Variants in KCNMA1 observed in about 807,000 individuals in gnomAD.
The protein encoded by KCNMA1 is potassium calcium-activated channel subfamily M alpha 1.
Under a neutral mutation model 140.0 loss-of-function variants are expected in KCNMA1, and 29 were observed. The observed-to-expected ratio is 0.21, with a 90% confidence interval of 0.15 to 0.28. The LOEUF is 0.28. KCNMA1 is among the 10% of genes least tolerant of loss of function. The pLI is 1.00. For missense variants in KCNMA1, 880 were observed against 1,602.2 expected (o/e 0.55, Z 7.70); for synonymous variants, 612 against 611.9 (o/e 1.00, Z 0.00).
chr10:76,988,756 A>G (rs1269142497), intron 19 of KCNMA1, among the ~76,000 whole-genome samples: 1 of 152,142 alleles, frequency 6.6e-6, no homozygotes, highest in African/African-American at 2.4e-5. Flanking sequence ...CAGGGGGATG[A>G]GGAATGATGA....
chr10:77,030,123 C>T (rs2093816943), intron 15 of KCNMA1, among the ~76,000 whole-genome samples: 1 of 152,202 alleles, frequency 6.6e-6, no homozygotes, highest in Non-Finnish European at 1.5e-5. Flanking sequence ...CTTCAGCAGA[C>T]AGTCAGATGT....
chr10:76,959,241 C>T (rs907531858), intron 20 of KCNMA1, among the ~76,000 whole-genome samples: 4 of 152,166 alleles, frequency 2.6e-5, no homozygotes, highest in African/African-American at 9.6e-5. Flanking sequence ...TGAACACTAG[C>T]CAGCTAATTT....
At chr10:77,233,072 G>A (rs2054161635) in intron 3 of KCNMA1, among the ~76,000 whole-genome samples, 1 of 152,010 alleles carries the variant, frequency 6.6e-6, no homozygotes, top group Non-Finnish European at 1.5e-5. Flanking sequence ...AAAGAAATTT[G>A]TAGAGACAGA....
intron 5 of KCNMA1, among the ~76,000 whole-genome samples, chr10:77,156,304 C>G (rs2098483729): frequency 6.7e-6 from 1 of 149,224 alleles, no homozygotes; most frequent in South Asian, 2.1e-4. Flanking sequence ...TAATTGCTTT[C>G]TCATATTCAT....
intron 1 of KCNMA1, among the ~76,000 whole-genome samples, chr10:77,552,427 A>G (rs1195912432): frequency 3.3e-5 from 5 of 152,216 alleles, no homozygotes; most frequent in African/African-American, 1.2e-4. Context: ...TCAGGGATGT[A>G]GGGAAGACTA....
At chr10:77,299,957 G>A (rs1034376774) in intron 2 of KCNMA1, among the ~76,000 whole-genome samples, 2 of 152,232 alleles carry the variant, frequency 1.3e-5, no homozygotes, top group African/African-American at 4.8e-5. Context: ...AGGCGTGGTA[G>A]GGAGGCTGTG....
intron 1 of KCNMA1, among the ~76,000 whole-genome samples, chr10:77,620,737 C>T (rs2091101507): frequency 6.6e-6 from 1 of 152,196 alleles, no homozygotes; most frequent in Non-Finnish European, 1.5e-5. Context: ...AACCCAAATT[C>T]TTGATGTTTC....
At chr10:77,088,556 A>G (rs1043307186) in intron 10 of KCNMA1, among the ~76,000 whole-genome samples, 12 of 152,088 alleles carry the variant, frequency 7.9e-5, no homozygotes, top group Non-Finnish European at 1.6e-4. Context: ...CAGCCTCCAG[A>G]GTAGCGAGGG....
At chr10:76,984,271 T>C (rs1394624294) in intron 19 of KCNMA1, among the ~76,000 whole-genome samples, 1 of 152,068 alleles carries the variant, frequency 6.6e-6, no homozygotes, top group African/African-American at 2.4e-5. Flanking sequence ...GGTGCAATCT[T>C]GGCTCACTGC....
At chr10:76,921,804 G>T (rs2055907511) in intron 23 of KCNMA1, among the ~76,000 whole-genome samples, 1 of 152,162 alleles carries the variant, frequency 6.6e-6, no homozygotes, top group Non-Finnish European at 1.5e-5. Context: ...GGAAATGACT[G>T]CAAGAAAAAT....
At chr10:77,055,278 A>G (rs1047279850) in intron 14 of KCNMA1, among the ~76,000 whole-genome samples, 1 of 152,180 alleles carries the variant, frequency 6.6e-6, no homozygotes, top group Non-Finnish European at 1.5e-5. Context: ...CCACCAAATC[A>G]GCAGTGAATT....
chr10:76,915,632 T>A (rs560961989), intron 23 of KCNMA1, among the ~76,000 whole-genome samples: 2 of 152,304 alleles, frequency 1.3e-5, no homozygotes, highest in East Asian at 3.9e-4. Context: ...TGTTTGTTGT[T>A]GTTGTTACCA....
At position 77,121,025 on chromosome 10, in the gene KCNMA1, T is replaced by G; in HGVS notation, c.832A>C (p.Arg278=). 6.3e-7 allele frequency: 1 copy of G among 1,599,492 alleles called. No individual in the cohort carries two copies. Among genetic ancestry groups the G allele is most frequent in the Non-Finnish European group, 8.6e-7 (1 of 1,168,326 alleles). The stretch of plus-strand genomic sequence containing the variant: ...AAAATTTCTGAAAACTGTATCAGTC[T>G]CAGAGCTCTTAAAAATCTCAAACCT... ...WLGLRFLRAL[R]LIQFSEILQF... is the part of the protein sequence containing the mutation. The change falls in exon 6 of 28, where the codon AGA becomes CGA. Residue 278 remains arginine (R), a synonymous_variant. Transcript: ENST00000286628.
intron 1 of KCNMA1, among the ~76,000 whole-genome samples, chr10:77,511,870 T>C (rs4979888): frequency 0.35 from 53,785 of 151,984 alleles, 10,852 homozygotes; most frequent in East Asian, 0.6. Context: ...ATATGTTGCC[T>C]GAGAGACAAT....
chr10:77,320,393 G>T (rs947447678), intron 2 of KCNMA1, among the ~76,000 whole-genome samples: 1 of 152,148 alleles, frequency 6.6e-6, no homozygotes, highest in African/African-American at 2.4e-5. Context: ...GAAGGAAGGG[G>T]CTACTCCCCT....
At chr10:77,041,689 T>G (rs2094705123) in intron 14 of KCNMA1, among the ~76,000 whole-genome samples, 1 of 152,216 alleles carries the variant, frequency 6.6e-6, no homozygotes, top group African/African-American at 2.4e-5. Context: ...CAGGCCTCCC[T>G]GAGGGAAGGA....
chr10:77,592,579 G>A (rs2079540183), intron 1 of KCNMA1, among the ~76,000 whole-genome samples: 1 of 152,204 alleles, frequency 6.6e-6, no homozygotes, highest in Admixed American at 6.5e-5. Context: ...GTCCAAATAA[G>A]AGGTGAGGTG....
intron 1 of KCNMA1, among the ~76,000 whole-genome samples, chr10:77,540,292 G>GTAC: frequency 6.6e-6 from 1 of 152,318 alleles, no homozygotes; most frequent in African/African-American, 2.4e-5. Context: ...GGAAGTCCAG[G>GTAC]TTGGTATCCA....
At chr10:76,998,770 G>A (rs952933500) in intron 19 of KCNMA1, among the ~76,000 whole-genome samples, 1 of 152,210 alleles carries the variant, frequency 6.6e-6, no homozygotes, top group Non-Finnish European at 1.5e-5. Flanking sequence ...GATGCCTGGG[G>A]ATTGCTATTG....
Sources: gnomAD v4.1 joint callset for allele counts (sites outside exome capture counted in the v4.1 genomes callset) on GRCh38, gnomAD v4.1.1 for gene constraint, MANE v1.5 for transcripts, NCBI Gene and HGNC (gene_info 2026-07-23, HGNC 2026-07-21) for gene names.